ADD3: variants seen among roughly 807,000 people sequenced by gnomAD.
ADD3 encodes adducin 3.
Under a neutral mutation model 80.2 loss-of-function variants are expected in ADD3, and 25 were observed. The ratio of observed to expected loss-of-function variants is 0.31; its 90% CI spans 0.23 to 0.44. The LOEUF (loss-of-function observed/expected upper bound fraction) is 0.44, where lower values mean the gene tolerates loss of function less well. Among genes scored for constraint, ADD3 ranks in the 20% least tolerant of loss-of-function variants. The pLI, the probability that ADD3 is intolerant of heterozygous loss-of-function variation, is 1.00. For missense variants in ADD3, 829 were observed against 847.5 expected (o/e 0.98, Z 0.27); for synonymous variants, 284 against 289.6 (o/e 0.98, Z 0.20).
chr10:110,003,945 A>G (rs74154939), upstream of ADD3, among the ~76,000 whole-genome samples: 1,692 of 152,296 alleles, frequency 0.011, 34 homozygotes, highest in African/African-American at 0.039. Flanking sequence ...ATATGTTGGG[A>G]GCAATTCATT....
intron 1 of ADD3, among the ~76,000 whole-genome samples, chr10:110,038,856 A>G (rs1328218980): frequency 6.6e-6 from 1 of 152,258 alleles, no homozygotes; most frequent in East Asian, 1.9e-4. Flanking sequence ...ACATTAGCAT[A>G]TAACACAGCC....
intron 1 of ADD3, among the ~76,000 whole-genome samples, chr10:110,010,445 A>G (rs1014258354): frequency 1.3e-5 from 2 of 152,230 alleles, no homozygotes; most frequent in African/African-American, 2.4e-5. Flanking sequence ...GTGTTGGGGA[A>G]CAGTCACATC....
At chr10:110,117,619 G>C (rs1447895521) in intron 5 of ADD3, among the ~76,000 whole-genome samples, 197 bp downstream of exon 5, 1 of 151,698 alleles carries the variant, frequency 6.6e-6, no homozygotes, top group African/African-American at 2.4e-5. Flanking sequence ...TAATAAATGA[G>C]TTGGTCTTAT....
chr10:110,030,831 G>GT (rs1157442241), intron 1 of ADD3, among the ~76,000 whole-genome samples: 2 of 151,576 alleles, frequency 1.3e-5, no homozygotes, highest in Non-Finnish European at 2.9e-5. Flanking sequence ...TTACAGTGCT[G>GT]TTTTGAGAGC....
chr10:110,022,282 T>G (rs1853768173), intron 1 of ADD3, among the ~76,000 whole-genome samples: 1 of 152,132 alleles, frequency 6.6e-6, no homozygotes, highest in African/African-American at 2.4e-5. Context: ...ATGGTCTACT[T>G]TTTTCTCCAT....
upstream of ADD3, among the ~76,000 whole-genome samples, chr10:110,002,929 T>G (rs150629994): frequency 5.9e-5 from 9 of 152,344 alleles, no homozygotes; most frequent in East Asian, 1.2e-3. Context: ...CCTGATTATA[T>G]CTCCTTGGGG....
chr10:110,063,737 TTATATATATA>T (rs139871560), intron 1 of ADD3, among the ~76,000 whole-genome samples: 2,990 of 64,416 alleles, frequency 0.046, 103 homozygotes, highest in Middle Eastern at 0.085. Flanking sequence ...TATATATTCA[TTATATATATA>T]TATATATATA....
At chr10:110,036,484 A>G (rs1282387473) in intron 1 of ADD3, among the ~76,000 whole-genome samples, 1 of 140,738 alleles carries the variant, frequency 7.1e-6, no homozygotes, top group Non-Finnish European at 1.5e-5. Flanking sequence ...GGTTCATGCC[A>G]TTCTCCTGCC....
chr10:110,115,941 G>A (rs11194989), intron 3 of ADD3, among the ~76,000 whole-genome samples: 2 of 152,174 alleles, frequency 1.3e-5, no homozygotes, highest in African/African-American at 4.8e-5. Context: ...AGTAACCTCA[G>A]TATTTAACAC....
intron 2 of ADD3, among the ~76,000 whole-genome samples, chr10:110,101,618 CAG>C (rs1297641221): frequency 7.4e-6 from 1 of 134,822 alleles, no homozygotes. Context: ...GCCTGGGCAA[CAG>C]AGTGAGACCT....
chr10:110,038,050 CAA>C (rs1490080677), intron 1 of ADD3, among the ~76,000 whole-genome samples: 1 of 45,180 alleles, frequency 2.2e-5, no homozygotes, highest in African/African-American at 9.3e-5. Flanking sequence ...GCCTGGGCAA[CAA>C]GAGTAAAACT....
intron 1 of ADD3, among the ~76,000 whole-genome samples, chr10:110,048,284 C>T (rs1286775155): frequency 6.6e-6 from 1 of 152,182 alleles, no homozygotes; most frequent in Non-Finnish European, 1.5e-5. Flanking sequence ...TATGAACTAT[C>T]CAGCCTTGGG....
intron 1 of ADD3, among the ~76,000 whole-genome samples, chr10:110,020,796 A>C (rs1035477454): frequency 2.0e-5 from 3 of 152,224 alleles, no homozygotes; most frequent in Admixed American, 1.3e-4. Context: ...TAGAATCAAT[A>C]GGATTTTCTT....
At chr10:110,123,057 C>T (rs1851714847) in intron 9 of ADD3, among the ~76,000 whole-genome samples, 1 of 152,190 alleles carries the variant, frequency 6.6e-6, no homozygotes, top group African/African-American at 2.4e-5. Context: ...GACAGAATTT[C>T]TTTTTTAAAG....
intron 1 of ADD3, among the ~76,000 whole-genome samples, chr10:110,071,616 G>A (rs1844729903): frequency 6.6e-6 from 1 of 151,922 alleles, no homozygotes; most frequent in Non-Finnish European, 1.5e-5. Context: ...TTTATTCTGT[G>A]CTTTTTTCTT....
chr10:110,058,005 C>G (rs1279080566), intron 1 of ADD3, among the ~76,000 whole-genome samples: 2 of 152,118 alleles, frequency 1.3e-5, no homozygotes, highest in Non-Finnish European at 2.9e-5. Flanking sequence ...TGCATATTTG[C>G]ATTTAAAATA....
chr10:110,059,332 C>T (rs879665024), intron 1 of ADD3, among the ~76,000 whole-genome samples: 5 of 152,016 alleles, frequency 3.3e-5, no homozygotes, highest in African/African-American at 4.8e-5. Flanking sequence ...ATTAGCTGGG[C>T]GTGGTGGCGC....
intron 1 of ADD3, among the ~76,000 whole-genome samples, chr10:110,018,366 A>T (rs1286329313): frequency 2.0e-5 from 3 of 151,976 alleles, no homozygotes; most frequent in African/African-American, 7.3e-5. Flanking sequence ...CATCTCTACT[A>T]AAAATATAAA....
chr10:110,057,849 A>T (rs1435421016), intron 1 of ADD3, among the ~76,000 whole-genome samples: 1 of 152,264 alleles, frequency 6.6e-6, no homozygotes, highest in African/African-American at 2.4e-5. Context: ...GAAATAATCC[A>T]TAGGAGCTAA....
Sources: gnomAD v4.1 joint callset for allele counts (sites outside exome capture counted in the v4.1 genomes callset) on GRCh38, gnomAD v4.1.1 for gene constraint, MANE v1.5 for transcripts, NCBI Gene and HGNC (gene_info 2026-07-23, HGNC 2026-07-21) for gene names.